Variants in LRRC8D observed in about 807,000 individuals in gnomAD.
LRRC8D encodes leucine rich repeat containing 8 VRAC subunit D.
A neutral mutation model predicts 55.8 loss-of-function variants in LRRC8D; 20 were observed. The observed-to-expected ratio is 0.36, with a 90% CI of 0.25 to 0.52. LRRC8D has a LOEUF of 0.52. LRRC8D is among the 20% of genes least tolerant of loss of function. LRRC8D has a pLI of 0.93. For missense variants in LRRC8D, 651 were observed against 1,030.8 expected, an observed-to-expected ratio of 0.63 and a Z score of 5.05; for synonymous variants, 352 against 377.0, an observed-to-expected ratio of 0.93 and a Z score of 0.77.
chr1:89,848,550 T>A (rs1570817513), intron 2 of LRRC8D, among the ~76,000 whole-genome samples: 1 of 152,106 alleles, frequency 6.6e-6, no homozygotes, highest in Admixed American at 6.6e-5. Context: ...TCTAATAGGG[T>A]TATTTCATGA....
At chr1:89,883,046 G>T (rs1477870925) in intron 2 of LRRC8D, among the ~76,000 whole-genome samples, 1 of 152,132 alleles carries the variant, frequency 6.6e-6, no homozygotes, top group Non-Finnish European at 1.5e-5. Flanking sequence ...AGGAATTCCA[G>T]AGCTGGGCAT....
intron 2 of LRRC8D, among the ~76,000 whole-genome samples, chr1:89,855,537 C>T (rs1403025887): frequency 6.6e-6 from 1 of 152,166 alleles, no homozygotes; most frequent in Non-Finnish European, 1.5e-5. Context: ...TTTCCTTTTC[C>T]CCCATTAAGC....
At chr1:89,908,197 C>G (rs1020913482) in intron 2 of LRRC8D, among the ~76,000 whole-genome samples, 1 of 152,126 alleles carries the variant, frequency 6.6e-6, no homozygotes, top group African/African-American at 2.4e-5. Flanking sequence ...TTGAAACTGG[C>G]AAAGCCACCT....
At chr1:89,860,491 G>A (rs1418990056) in intron 2 of LRRC8D, among the ~76,000 whole-genome samples, 3 of 151,920 alleles carry the variant, frequency 2.0e-5, no homozygotes, top group Non-Finnish European at 4.4e-5. Flanking sequence ...CGGGCACAGT[G>A]GCTCACGCCT....
At chr1:89,887,740 G>A (rs1444405165) in intron 2 of LRRC8D, among the ~76,000 whole-genome samples, 2 of 152,010 alleles carry the variant, frequency 1.3e-5, no homozygotes, top group South Asian at 4.1e-4. Context: ...ATCCTCTTAA[G>A]CCTTATGCAA....
intron 2 of LRRC8D, among the ~76,000 whole-genome samples, chr1:89,921,224 G>A (rs1317067590): frequency 6.6e-6 from 1 of 152,076 alleles, no homozygotes; most frequent in Admixed American, 6.5e-5. Flanking sequence ...AATTAGCTGG[G>A]CTACTCGGGA....
chr1:89,924,458 A>C (rs570393347), intron 2 of LRRC8D, among the ~76,000 whole-genome samples: 2 of 152,362 alleles, frequency 1.3e-5, no homozygotes, highest in East Asian at 3.9e-4. Flanking sequence ...ACACTTACGC[A>C]CTGCTGGTGG....
chr1:89,887,547 A>G (rs927600361), intron 2 of LRRC8D, among the ~76,000 whole-genome samples: 1 of 152,208 alleles, frequency 6.6e-6, no homozygotes, highest in Non-Finnish European at 1.5e-5. Flanking sequence ...CTTTCAACCT[A>G]TGAAAACACT....
chr1:89,888,360 G>A (rs1662476217), intron 2 of LRRC8D, among the ~76,000 whole-genome samples: 1 of 152,178 alleles, frequency 6.6e-6, no homozygotes, highest in South Asian at 2.1e-4. Context: ...TCTCACTTTG[G>A]AATGGAAAGT....
At chr1:89,840,356 A>G (rs1443541808) in intron 1 of LRRC8D, among the ~76,000 whole-genome samples, 1 of 152,236 alleles carries the variant, frequency 6.6e-6, no homozygotes, top group African/African-American at 2.4e-5. Flanking sequence ...CATGGTAGTT[A>G]GGATTAGGAA....
At chr1:89,855,209 C>T (rs1661524509) in intron 2 of LRRC8D, among the ~76,000 whole-genome samples, 2 of 152,202 alleles carry the variant, frequency 1.3e-5, no homozygotes, top group South Asian at 4.1e-4. Context: ...TTTCCGTTTC[C>T]ATCACTGCAC....
intron 2 of LRRC8D, among the ~76,000 whole-genome samples, chr1:89,860,775 AAAAAAAAAAAATATATATAT>A (rs1419579549): frequency 1.7e-3 from 143 of 85,618 alleles, no homozygotes; most frequent in Non-Finnish European, 3.0e-3. Context: ...AAAAAAAAAA[AAAAAAAAAAAATATATATAT>A]ATATATATAT....
At chr1:89,918,648 A>T (rs1213202755) in intron 2 of LRRC8D, among the ~76,000 whole-genome samples, 1 of 152,166 alleles carries the variant, frequency 6.6e-6, no homozygotes, top group Non-Finnish European at 1.5e-5. Context: ...ATTATCTCCT[A>T]GTGAGGGTAT....
intron 1 of LRRC8D, among the ~76,000 whole-genome samples, chr1:89,840,437 A>AT (rs977705531): frequency 6.6e-6 from 1 of 152,196 alleles, no homozygotes; most frequent in Non-Finnish European, 1.5e-5. Flanking sequence ...GTTAATAAAT[A>AT]TTTTTGATAA....
intron 2 of LRRC8D, among the ~76,000 whole-genome samples, chr1:89,886,878 A>G (rs1238843786): frequency 6.6e-6 from 1 of 152,130 alleles, no homozygotes. Flanking sequence ...TCCTTATTGA[A>G]TGTCATTAAC....
intron 2 of LRRC8D, among the ~76,000 whole-genome samples, chr1:89,867,739 T>C (rs1351041814): frequency 6.6e-6 from 1 of 152,188 alleles, no homozygotes; most frequent in African/African-American, 2.4e-5. Context: ...AGCAATGTCG[T>C]TTTTGATTTG....
At chr1:89,920,228 C>T (rs1404423593) in intron 2 of LRRC8D, among the ~76,000 whole-genome samples, 32 of 152,138 alleles carry the variant, frequency 2.1e-4, no homozygotes, top group Admixed American at 2.1e-3. Flanking sequence ...AGTTCTGAGG[C>T]AAATTTGCTC....
chr1:89,912,896 G>C (rs1280924543), intron 2 of LRRC8D, among the ~76,000 whole-genome samples: 1 of 152,122 alleles, frequency 6.6e-6, no homozygotes, highest in East Asian at 1.9e-4. Flanking sequence ...GTGTTTTTTA[G>C]TAGTTGGAGG....
At chr1:89,918,923 T>C (rs1663345543) in intron 2 of LRRC8D, among the ~76,000 whole-genome samples, 1 of 152,186 alleles carries the variant, frequency 6.6e-6, no homozygotes, top group Non-Finnish European at 1.5e-5. Flanking sequence ...GCTGTACAGT[T>C]GTGAGTGATT....
Sources: allele counts gnomAD v4.1 joint callset (sites outside exome capture counted in the v4.1 genomes callset), GRCh38; gene constraint gnomAD v4.1.1; transcripts MANE v1.5; gene names NCBI Gene and HGNC (gene_info 2026-07-23, HGNC 2026-07-21).